CFAP95: variants seen among roughly 807,000 people sequenced by gnomAD.
CFAP95 encodes the protein cilia- and flagella-associated protein 95.
At chr9:69,876,824 G>A in the CFAP95 span, among the ~76,000 whole-genome samples, 1 of 151,920 alleles carries the variant, frequency 6.6e-6, no homozygotes, top group African/African-American at 2.4e-5. Flanking sequence ...TAGTAGAGAC[G>A]GGGTTTCACC....
the CFAP95 span, among the ~76,000 whole-genome samples, chr9:69,883,342 G>T: frequency 1.3e-5 from 2 of 152,114 alleles, no homozygotes; most frequent in Non-Finnish European, 2.9e-5. Flanking sequence ...TGTGGGGTTG[G>T]AATGACTCTG....
chr9:69,855,852 C>G, the CFAP95 span, among the ~76,000 whole-genome samples: 1 of 152,086 alleles, frequency 6.6e-6, no homozygotes, highest in Admixed American at 6.5e-5. Flanking sequence ...AACAGAAAGT[C>G]TAGTGGTATT....
At chr9:69,877,431 C>T in the CFAP95 span, among the ~76,000 whole-genome samples, 1 of 152,222 alleles carries the variant, frequency 6.6e-6, no homozygotes, top group Non-Finnish European at 1.5e-5. Context: ...ATTATATCCA[C>T]CATTCCACAC....
the CFAP95 span, among the ~76,000 whole-genome samples, chr9:69,845,220 T>C: frequency 6.6e-6 from 1 of 152,228 alleles, no homozygotes; most frequent in African/African-American, 2.4e-5. Flanking sequence ...CCTGTTTTAA[T>C]TGAGGTGAGT....
the CFAP95 span, among the ~76,000 whole-genome samples, chr9:69,866,128 C>G: frequency 2.1e-3 from 318 of 152,274 alleles, 2 homozygotes; most frequent in African/African-American, 7.1e-3. Flanking sequence ...CTTAAGTTTC[C>G]TGAACATCAC....
At chr9:69,901,798 C>A in the CFAP95 span, among the ~76,000 whole-genome samples, 1 of 152,130 alleles carries the variant, frequency 6.6e-6, no homozygotes, top group Admixed American at 6.6e-5. Flanking sequence ...AGTTTACACT[C>A]CCACCAACAG....
the CFAP95 span, among the ~76,000 whole-genome samples, chr9:69,880,936 C>T: frequency 2.6e-5 from 4 of 152,192 alleles, no homozygotes; most frequent in South Asian, 4.1e-4. Flanking sequence ...TTTCATATGC[C>T]TATTTGCCAC....
the CFAP95 span, among the ~76,000 whole-genome samples, chr9:69,842,828 G>A: frequency 1.3e-5 from 2 of 152,178 alleles, no homozygotes; most frequent in Non-Finnish European, 2.9e-5. Flanking sequence ...CAGATGTGAG[G>A]AGAGAAGAGG....
chr9:69,903,685 C>T, the CFAP95 span, among the ~76,000 whole-genome samples: 3 of 152,142 alleles, frequency 2.0e-5, no homozygotes, highest in African/African-American at 7.2e-5. Flanking sequence ...GATTAACAGG[C>T]AACAGTCTCT....
chr9:69,838,618 TAAG>T, the CFAP95 span, among the ~76,000 whole-genome samples: 2 of 151,894 alleles, frequency 1.3e-5, no homozygotes, highest in Non-Finnish European at 2.9e-5. Flanking sequence ...CTTATCAGCT[TAAG>T]GAGATTTTGG....
At chr9:69,856,754 C>A in the CFAP95 span, 8 of 846,930 alleles carry the variant, frequency 9.4e-6, no homozygotes, top group African/African-American at 1.0e-4. Flanking sequence ...GGTATAGTGA[C>A]CCCAGTTCCA....
At chr9:69,843,443 C>T in the CFAP95 span, among the ~76,000 whole-genome samples, 424 of 88,070 alleles carry the variant, frequency 4.8e-3, 13 homozygotes, top group African/African-American at 0.019. Context: ...TCCTTCTTCC[C>T]CCTCCCCTCC....
the CFAP95 span, chr9:69,820,994 C>T: frequency 6.2e-7 from 1 of 1,613,880 alleles, no homozygotes; most frequent in Non-Finnish European, 8.5e-7. Context: ...CCGCTCCCAT[C>T]ACAAGAAATA....
the CFAP95 span, among the ~76,000 whole-genome samples, chr9:69,853,734 C>T: frequency 6.6e-6 from 1 of 152,132 alleles, no homozygotes; most frequent in Non-Finnish European, 1.5e-5. Flanking sequence ...AGAGGCTGTT[C>T]ATATAGGGTT....
the CFAP95 span, among the ~76,000 whole-genome samples, chr9:69,825,306 C>A: frequency 0.046 from 6,951 of 152,182 alleles, 521 homozygotes; most frequent in African/African-American, 0.16. Flanking sequence ...CCTCTGATAA[C>A]ACAGTTCAAA....
chr9:69,854,784 C>T, the CFAP95 span, among the ~76,000 whole-genome samples: 1 of 152,174 alleles, frequency 6.6e-6, no homozygotes, highest in African/African-American at 2.4e-5. Flanking sequence ...TGATTTCCTC[C>T]CTGTAGGACC....
At chr9:69,846,922 A>G in the CFAP95 span, among the ~76,000 whole-genome samples, 3 of 152,212 alleles carry the variant, frequency 2.0e-5, no homozygotes. Flanking sequence ...AAGAGTTAAA[A>G]GAGTATTCAT....
the CFAP95 span, among the ~76,000 whole-genome samples, chr9:69,886,364 A>G: frequency 6.6e-6 from 1 of 152,190 alleles, no homozygotes; most frequent in Admixed American, 6.5e-5. Flanking sequence ...TGAGGTTGCT[A>G]AGACCTATGG....
the CFAP95 span, among the ~76,000 whole-genome samples, chr9:69,897,494 G>A: frequency 6.6e-6 from 1 of 152,060 alleles, no homozygotes. Flanking sequence ...CGTTCCAGAA[G>A]GCAGTCCTAA....
Sources: gnomAD v4.1 joint callset for allele counts (sites outside exome capture counted in the v4.1 genomes callset) on GRCh38, gnomAD v4.1.1 for gene constraint, MANE v1.5 for transcripts, NCBI Gene and HGNC (gene_info 2026-07-23, HGNC 2026-07-21) for gene names.